ARHGEF12: variants seen among roughly 807,000 people sequenced by gnomAD.
The protein encoded by ARHGEF12 is Rho guanine nucleotide exchange factor 12.
ARHGEF12 carries 66 observed loss-of-function variants against 211.2 expected under a neutral mutation model. That is an observed-to-expected ratio of 0.31 (90% CI 0.26 to 0.38). The LOEUF (loss-of-function observed/expected upper bound fraction) is 0.38, where lower values mean the gene tolerates loss of function less well. ARHGEF12 is among the 10% of genes least tolerant of loss of function. The pLI, the probability that ARHGEF12 is intolerant of heterozygous loss-of-function variation, is 1.00. For synonymous variants in ARHGEF12, 592 were observed against 638.4 expected, an observed-to-expected ratio of 0.93 and a Z score of 1.09; for missense variants, 1,429 against 1,869.5, an observed-to-expected ratio of 0.76 and a Z score of 4.34.
intron 1 of ARHGEF12, among the ~76,000 whole-genome samples, chr11:120,341,487 C>T (rs1404249884): frequency 2.2e-4 from 34 of 152,138 alleles, no homozygotes; most frequent in Admixed American, 2.2e-3. Context: ...TGGAGCATTG[C>T]GATTCCAGGG....
At chr11:120,388,423 T>G (rs1944105574) in intron 1 of ARHGEF12, among the ~76,000 whole-genome samples, 1 of 152,216 alleles carries the variant, frequency 6.6e-6, no homozygotes, top group African/African-American at 2.4e-5. Flanking sequence ...TAAGTTTGCT[T>G]TGGACATTCA....
chr11:120,476,442 G>C (rs534149732), intron 33 of ARHGEF12: 1 of 371,346 alleles, frequency 2.7e-6, no homozygotes. Flanking sequence ...GTGCTAATTC[G>C]TATAATCTTT....
At chr11:120,409,290 G>C in intron 3 of ARHGEF12, 104 bp from the exon 4 acceptor site, 1 of 1,143,274 alleles carries the variant, frequency 8.7e-7, no homozygotes, top group Non-Finnish European at 1.3e-6. Flanking sequence ...GTGTTTGCAC[G>C]ATTTAACTTG....
intron 4 of ARHGEF12, among the ~76,000 whole-genome samples, chr11:120,418,524 C>G (rs1310683425): frequency 1.3e-5 from 2 of 152,292 alleles, no homozygotes; most frequent in Admixed American, 6.5e-5. Context: ...TTGTGTATGT[C>G]TTTCTGTGGA....
At chr11:120,343,615 T>G (rs1942602791) in intron 1 of ARHGEF12, among the ~76,000 whole-genome samples, 1 of 152,236 alleles carries the variant, frequency 6.6e-6, no homozygotes, top group African/African-American at 2.4e-5. Context: ...GAGTCCTGGT[T>G]TTTGAGATCA....
chr11:120,421,794 C>G lies in ARHGEF12; in HGVS notation c.299-9C>G. 6.2e-7 allele frequency: 1 copy of G among 1,609,370 alleles called. No individual in the cohort carries two copies. The highest frequency in any genetic ancestry group is 8.5e-7 in the Non-Finnish European group (1 of 1,177,706). Reference sequence around the variant, plus strand: ...GAATCACATTTTAAGCAATTAATTTCTCATACAGATGGAGCAGCCATGCGG... The same window carrying G: ...GAATCACATTTTAAGCAATTAATTTGTCATACAGATGGAGCAGCCATGCGG... On this transcript the variant is annotated splice_polypyrimidine_tract_variant and intron_variant, in intron 5 of 40. Transcript: ENST00000397843.
chr11:120,485,221 GT>G lies in ARHGEF12; in HGVS notation c.*145del. ...CACCTGGGATTAGTCAAGTCCCAAG[GT>G]GCCCAGAGTGGGACTAGTTCTTCAC... is the stretch of plus-strand genomic sequence containing the variant. On this transcript the variant is annotated 3_prime_UTR_variant, in exon 41 of 41. Transcript: ENST00000397843. The G allele has an allele frequency of 1.0e-6, 1 of 952,824 alleles. No individual in the cohort carries two copies. The highest frequency in any genetic ancestry group is 1.6e-6 in the Non-Finnish European group (1 of 617,598). The allele number at this position is 952,824 out of a possible 1,614,324, so 59.0% of individuals were successfully genotyped here. A position where few individuals can be genotyped will look rare whatever the true frequency, so the allele number is the denominator to read the frequency against.
intron 22 of ARHGEF12, 199 bp from the exon 23 acceptor site, chr11:120,456,919 G>A: frequency 2.0e-6 from 1 of 502,330 alleles, no homozygotes; most frequent in Non-Finnish European, 3.5e-6. Context: ...GATCATATGA[G>A]GCTGAGATGG....
In ARHGEF12 at chr11:120,485,650, A is replaced by C. The variant is rs767625238; in HGVS notation, c.*573A>C. ...CCTTGCTTCACTATACAGTATTCCAAGCTCTCTGCTGTCCAGTAGGCTGCT... is the reference window on the plus strand; with the variant it reads ...CCTTGCTTCACTATACAGTATTCCACGCTCTCTGCTGTCCAGTAGGCTGCT... On this transcript the variant is annotated 3_prime_UTR_variant, in exon 41 of 41. Coordinates refer to ENST00000397843, the MANE Select transcript of ARHGEF12 (RefSeq NM_015313.3). 8.5e-6 allele frequency: 2 copies of C among 234,250 alleles called. No homozygotes were observed. Among genetic ancestry groups the C allele is most frequent in the South Asian group, 3.6e-4 (2 of 5,574 alleles). The allele number at this position is 234,250 out of a possible 1,614,324, so 14.5% of individuals were successfully genotyped here. A position where few individuals can be genotyped will look rare whatever the true frequency, so the allele number is the denominator to read the frequency against.
chr11:120,461,549 C>T (rs2135907420), intron 27 of ARHGEF12, among the ~76,000 whole-genome samples: 1 of 152,240 alleles, frequency 6.6e-6, no homozygotes, highest in Non-Finnish European at 1.5e-5. Context: ...TCATTGGCTT[C>T]AACTTAAAGT....
chr11:120,429,828 T>C lies in ARHGEF12; in HGVS notation c.780T>C (p.Ala260=). 1 of 1,609,612 alleles carries C rather than the reference T, an allele frequency of 6.2e-7. No individual in the cohort carries two copies. The highest frequency in any genetic ancestry group is 8.5e-7 in the Non-Finnish European group (1 of 1,178,810). ...AGTTATCCAAAGCCACAGGCTCTGC[T>C]CAGGTAGCATCACTATTACAAGTGC... ...QEQLSKATGS[A]QDGAVVTPSR... Residue 260 remains alanine, a synonymous_variant, in exon 10 of 41, where the codon GCT becomes GCC. Coordinates refer to ENST00000397843, the MANE Select transcript of ARHGEF12 (RefSeq NM_015313.3).
At chr11:120,365,480 G>T (rs1478814572) in intron 1 of ARHGEF12, among the ~76,000 whole-genome samples, 4 of 152,246 alleles carry the variant, frequency 2.6e-5, no homozygotes, top group African/African-American at 9.6e-5. Flanking sequence ...CCAAGTTTCT[G>T]GGTGTTTAAA....
chr11:120,438,222 A>G (rs1945753034), intron 12 of ARHGEF12, among the ~76,000 whole-genome samples: 1 of 152,266 alleles, frequency 6.6e-6, no homozygotes, highest in Non-Finnish European at 1.5e-5. Flanking sequence ...AATCAGAGAC[A>G]TCAAATCAGT....
rs751033782 is a variant in ARHGEF12, at chr11:120,459,191, A to G, written c.2398A>G (p.Arg800Gly). ...EVINELFYTE[R>G]AHVRTLKVLD... Reference sequence around the variant, plus strand: ...CTGTTCAGAATTGTTCTACACTGAAAGAGCTCATGTTCGAACACTGAAGGT... The same window carrying G: ...CTGTTCAGAATTGTTCTACACTGAAGGAGCTCATGTTCGAACACTGAAGGT... Residue 800 changes from arginine to glycine, a missense_variant, in exon 26 of 41, where the codon AGA (arginine) becomes GGA (glycine). Transcript: ENST00000397843. 1 of 1,612,348 alleles carries G rather than the reference A, an allele frequency of 6.2e-7. No individual in the cohort carries two copies. Among genetic ancestry groups the G allele is most frequent in the Non-Finnish European group, 8.5e-7 (1 of 1,179,260 alleles).
At chr11:120,441,179 G>T (rs1285743159) in intron 13 of ARHGEF12, among the ~76,000 whole-genome samples, 1 of 151,942 alleles carries the variant, frequency 6.6e-6, no homozygotes, top group Non-Finnish European at 1.5e-5. Flanking sequence ...GATAGTTGGG[G>T]GTAATGCTGG....
chr11:120,449,165 C>T lies in ARHGEF12; in HGVS notation c.1794C>T (p.Pro598=). The change falls in exon 21 of 41, where the codon CCC becomes CCT. Residue 598 remains proline, a synonymous_variant. Transcript: ENST00000397843. ...AAAAAGGGAAGCGAAGAGGATTCCC[C>T]AGCATCCTGGGACCCCCACGGAGAC... ...GEEKGKRRGF[P]SILGPPRRPS... 6.2e-7 allele frequency: 1 copy of T among 1,614,076 alleles called. No homozygotes were observed. Among genetic ancestry groups the T allele is most frequent in the South Asian group, 1.1e-5 (1 of 91,062 alleles).
At chr11:120,438,514 C>G (rs1945766915) in intron 12 of ARHGEF12, 1 of 152,014 alleles carries the variant, frequency 6.6e-6, no homozygotes, top group African/African-American at 2.4e-5. Flanking sequence ...TGTTAAAAGG[C>G]AGAATTGTGT....
rs928334530 is a variant in ARHGEF12 at position 120,488,293 on chromosome 11, T to C, written c.*3216T>C. On this transcript the variant is annotated 3_prime_UTR_variant, in exon 41 of 41. Transcript: ENST00000397843. ...AAGTCGATATATGGTTTTGAATTAC[T>C]AGAGCTTTGGTCAGTATTTCCTTCC... 3 of 214,984 alleles carry C rather than the reference T, an allele frequency of 1.4e-5. No individual in the cohort carries two copies. The highest frequency in any genetic ancestry group is 2.8e-5 in the Non-Finnish European group (3 of 106,586). The allele number at this position is 214,984 out of a possible 1,614,324, so 13.3% of individuals were successfully genotyped here. A position where few individuals can be genotyped will look rare whatever the true frequency, so the allele number is the denominator to read the frequency against.
intron 1 of ARHGEF12, among the ~76,000 whole-genome samples, chr11:120,395,019 T>TACACACCA (rs1375802596): frequency 8.5e-6 from 1 of 118,168 alleles, no homozygotes; most frequent in Non-Finnish European, 1.6e-5. Context: ...ATGGTGCCAC[T>TACACACCA]ACACACCATC....
Sources: gnomAD v4.1 joint callset for allele counts (sites outside exome capture counted in the v4.1 genomes callset) on GRCh38, gnomAD v4.1.1 for gene constraint, MANE v1.5 for transcripts, NCBI Gene and HGNC (gene_info 2026-07-23, HGNC 2026-07-21) for gene names.